Variants in RNF180 observed in about 807,000 individuals in gnomAD.
RNF180 encodes the protein E3 ubiquitin-protein ligase RNF180.
In RNF180, 38 loss-of-function variants were observed where a neutral mutation model predicts 59.2. The ratio of observed to expected loss-of-function variants is 0.64; its 90% CI spans 0.50 to 0.84. RNF180 has a LOEUF of 0.84. Among genes scored for constraint, RNF180 ranks in the 40% least tolerant of loss-of-function variants. The probability of loss-of-function intolerance (pLI) is 0.00; values close to 1 mark genes in which losing one functional copy is unlikely to be tolerated. For missense variants in RNF180, 705 were observed against 700.9 expected (o/e 1.01, Z -0.07); for synonymous variants, 262 against 240.3 (o/e 1.09, Z -0.84).
chr5:64,339,530 T>C (rs773849140), intron 7 of RNF180, among the ~76,000 whole-genome samples: 12 of 152,204 alleles, frequency 7.9e-5, no homozygotes, highest in Admixed American at 5.2e-4. Flanking sequence ...TACCACACTA[T>C]TTCATATAAG....
chr5:64,342,184 A>C (rs1745378309), intron 7 of RNF180, among the ~76,000 whole-genome samples: 1 of 152,140 alleles, frequency 6.6e-6, no homozygotes, highest in African/African-American at 2.4e-5. Context: ...AGTGGCAATA[A>C]CTGGGGGGAA....
intron 5 of RNF180, among the ~76,000 whole-genome samples, chr5:64,285,769 C>T (rs1451616972): frequency 1.3e-5 from 2 of 152,114 alleles, no homozygotes; most frequent in African/African-American, 4.8e-5. Context: ...CCGACAGTCA[C>T]CCAAATGCTA....
chr5:64,246,836 T>A (rs371996009), intron 5 of RNF180, among the ~76,000 whole-genome samples: 2 of 152,194 alleles, frequency 1.3e-5, no homozygotes, highest in Admixed American at 6.5e-5. Flanking sequence ...AATATCCTGA[T>A]GAACATCTAT....
chr5:64,257,004 G>C (rs1744009435), intron 5 of RNF180, among the ~76,000 whole-genome samples: 1 of 151,560 alleles, frequency 6.6e-6, no homozygotes, highest in East Asian at 1.9e-4. Context: ...CTCTCTGTTT[G>C]TCTGTTATTG....
chr5:64,239,732 C>T (rs1375851085), intron 5 of RNF180, among the ~76,000 whole-genome samples: 1 of 152,058 alleles, frequency 6.6e-6, no homozygotes, highest in Non-Finnish European at 1.5e-5. Context: ...ATAAATATAT[C>T]TCCTTGGATA....
chr5:64,192,822 G>A (rs1179080654), intron 1 of RNF180, among the ~76,000 whole-genome samples: 3 of 148,888 alleles, frequency 2.0e-5, no homozygotes, highest in Non-Finnish European at 4.4e-5. Flanking sequence ...GTTCATTTCA[G>A]CATTATTCAG....
At chr5:64,190,785 T>A (rs1249804664) in intron 1 of RNF180, among the ~76,000 whole-genome samples, 1 of 152,192 alleles carries the variant, frequency 6.6e-6, no homozygotes, top group Non-Finnish European at 1.5e-5. Flanking sequence ...AGTAAGAATG[T>A]GGCTGTCTGC....
At chr5:64,193,708 G>A (rs768350895) in intron 1 of RNF180, among the ~76,000 whole-genome samples, 1 of 152,096 alleles carries the variant, frequency 6.6e-6, no homozygotes, top group Non-Finnish European at 1.5e-5. Flanking sequence ...GATCAGCCTG[G>A]GTTCATTTCC....
At chr5:64,350,171 G>C (rs188006048) in intron 7 of RNF180, among the ~76,000 whole-genome samples, 4 of 152,134 alleles carry the variant, frequency 2.6e-5, no homozygotes, top group African/African-American at 9.7e-5. Context: ...GGCCAGTGAT[G>C]ATGAGCATTT....
chr5:64,276,319 GGTGTGTGTGTGTGTGTGTGT>G (rs375203511), intron 5 of RNF180, among the ~76,000 whole-genome samples: 1 of 138,190 alleles, frequency 7.2e-6, no homozygotes, highest in South Asian at 2.4e-4. Context: ...AAAATACATT[GGTGTGTGTGTGTGTGTGTGT>G]GTGTGTGTGT....
rs1488501943 is a variant in RNF180, at chr5:64,370,484, A to G, written c.*670A>G. ...TAAACACTTTCCAGATTGAAGGATTAATCACCAGAAGACATGAAAAATTTA... is the reference window on the plus strand; with the variant it reads ...TAAACACTTTCCAGATTGAAGGATTGATCACCAGAAGACATGAAAAATTTA... On this transcript the variant is annotated 3_prime_UTR_variant, in exon 8 of 8. Coordinates refer to ENST00000389100, the MANE Select transcript of RNF180 (RefSeq NM_001113561.2). The G allele has an allele frequency of 6.6e-6, 1 of 151,768 alleles. No individual in the cohort carries two copies. Among genetic ancestry groups the G allele is most frequent in the Non-Finnish European group, 1.5e-5 (1 of 67,832 alleles). 9.4% of individuals were successfully genotyped at this position (151,768 alleles called of 1,614,324 possible).
At chr5:64,308,258 A>G (rs1561251936) in intron 5 of RNF180, among the ~76,000 whole-genome samples, 1 of 151,740 alleles carries the variant, frequency 6.6e-6, no homozygotes, top group Non-Finnish European at 1.5e-5. Flanking sequence ...TTGTAACTCC[A>G]AAATCAGTAC....
intron 5 of RNF180, among the ~76,000 whole-genome samples, chr5:64,310,475 C>T (rs1323046892): frequency 6.7e-6 from 1 of 150,186 alleles, no homozygotes; most frequent in East Asian, 2.0e-4. Context: ...AAACCAGTGC[C>T]TCATATTTTA....
chr5:64,206,073 G>A (rs1286050132), intron 2 of RNF180, among the ~76,000 whole-genome samples: 3 of 152,312 alleles, frequency 2.0e-5, no homozygotes, highest in Non-Finnish European at 1.5e-5. Flanking sequence ...CACAATTCTA[G>A]AGGGAGCTAG....
At chr5:64,366,568 TC>T (rs1291715540) in intron 7 of RNF180, among the ~76,000 whole-genome samples, 1 of 151,486 alleles carries the variant, frequency 6.6e-6, no homozygotes, top group African/African-American at 2.4e-5. Flanking sequence ...CCCATCTCTT[TC>T]AGTAAATGAA....
intron 1 of RNF180, among the ~76,000 whole-genome samples, chr5:64,183,659 G>A (rs2111962088): frequency 6.6e-6 from 1 of 152,112 alleles, no homozygotes; most frequent in East Asian, 1.9e-4. Flanking sequence ...TCTTGGCCAG[G>A]CTTGTCTTGA....
At chr5:64,225,522 CGCCCTTCGTCTGGG>C (rs1741648810) in intron 5 of RNF180, among the ~76,000 whole-genome samples, 3 of 141,922 alleles carry the variant, frequency 2.1e-5, no homozygotes, top group Admixed American at 7.0e-5. Context: ...TCTGCCCGGC[CGCCCTTCGTCTGGG>C]AGGTGAGGAG....
intron 7 of RNF180, among the ~76,000 whole-genome samples, chr5:64,336,076 T>C (rs967937746): frequency 9.9e-5 from 15 of 152,196 alleles, no homozygotes; most frequent in Admixed American, 9.8e-4. Flanking sequence ...ACTTAATTTA[T>C]GGCATACCAT....
intron 2 of RNF180, among the ~76,000 whole-genome samples, chr5:64,203,530 A>T (rs1751858895): frequency 6.6e-6 from 1 of 152,166 alleles, no homozygotes; most frequent in African/African-American, 2.4e-5. Context: ...GTAGATTTAT[A>T]TGTAAAATAA....
Sources: allele counts gnomAD v4.1 joint callset (sites outside exome capture counted in the v4.1 genomes callset), GRCh38; gene constraint gnomAD v4.1.1; transcripts MANE v1.5; gene names NCBI Gene and HGNC (gene_info 2026-07-23, HGNC 2026-07-21).